The following DTNB variants were observed in gnomAD, a reference collection of about 807,000 sequenced individuals.
DTNB encodes the protein DTN-B.
A neutral mutation model predicts 90.7 loss-of-function variants in DTNB; 63 were observed. The observed-to-expected ratio is 0.69, with a 90% CI of 0.57 to 0.86. The LOEUF (loss-of-function observed/expected upper bound fraction) is 0.86. Ranked by LOEUF, DTNB falls within the 40% of genes least tolerant of loss-of-function variation. DTNB has a pLI of 0.00. For missense variants in DTNB, 744 were observed against 807.1 expected, an observed-to-expected ratio of 0.92 and a Z score of 0.95; for synonymous variants, 277 against 286.7, an observed-to-expected ratio of 0.97 and a Z score of 0.34.
intron 3 of DTNB, among the ~76,000 whole-genome samples, chr2:25,630,355 C>A (rs1286597058): frequency 2.6e-5 from 4 of 152,152 alleles, no homozygotes; most frequent in Non-Finnish European, 5.9e-5. Context: ...ACACACAGGT[C>A]CCATACGACC....
intron 8 of DTNB, among the ~76,000 whole-genome samples, chr2:25,540,156 G>C (rs1036619491): frequency 1.3e-5 from 2 of 152,088 alleles, no homozygotes; most frequent in African/African-American, 2.4e-5. Context: ...TTAAGTTTTA[G>C]AATCAGTTTG....
At chr2:25,490,157 T>C (rs2067073794) in intron 9 of DTNB, among the ~76,000 whole-genome samples, 1 of 152,084 alleles carries the variant, frequency 6.6e-6, no homozygotes, top group African/African-American at 2.4e-5. Context: ...ATGCCTATGG[T>C]CTCAGCTACT....
At chr2:25,483,075 G>C (rs770560108) in intron 9 of DTNB, among the ~76,000 whole-genome samples, 39 of 151,930 alleles carry the variant, frequency 2.6e-4, no homozygotes, top group Non-Finnish European at 5.2e-4. Context: ...CCCTTGGGGA[G>C]GGGGGTAGAA....
chr2:25,615,530 G>A (rs910519475), intron 4 of DTNB, among the ~76,000 whole-genome samples: 1 of 152,132 alleles, frequency 6.6e-6, no homozygotes, highest in Admixed American at 6.5e-5. Flanking sequence ...AAGGTATTAG[G>A]AGTTCAGTGT....
chr2:25,629,884 C>A (rs1171651617), intron 3 of DTNB, among the ~76,000 whole-genome samples: 1 of 152,032 alleles, frequency 6.6e-6, no homozygotes, highest in Non-Finnish European at 1.5e-5. Flanking sequence ...AAAAGAGATA[C>A]GCTGCATTTT....
In DTNB at chr2:25,661,589, A is replaced by G. The variant is rs893289105; in HGVS notation, c.-1-8928T>C. ...GATGAGGTACATGGAGGAGCTTCTA[A>G]TAGGGCTGGCAGAATTCTATTTCTT... On this transcript the variant is annotated intron_variant, in intron 1 of 20. Transcript: ENST00000406818. 3.3e-5 allele frequency among the ~76,000 whole-genome samples: 5 copies of G among 152,352 alleles called. No individual in the cohort carries two copies. The East Asian group carries it at 5.8e-4, about 18-fold the overall frequency.
chr2:25,504,581 GAAAA>G (rs913502018), intron 9 of DTNB, among the ~76,000 whole-genome samples: 10 of 135,688 alleles, frequency 7.4e-5, no homozygotes, highest in African/African-American at 2.8e-4. Flanking sequence ...AGAAAGAAAA[GAAAA>G]GAAAGAGAAA....
At chr2:25,410,934 CT>C (rs34571788) in intron 16 of DTNB, among the ~76,000 whole-genome samples, 29,932 of 132,468 alleles carry the variant, frequency 0.23, 3,376 homozygotes, top group Non-Finnish European at 0.29. Flanking sequence ...ACTGCCTTTT[CT>C]TTTTTTTTTT....
chr2:25,671,431 A>G (rs1042765928), intron 1 of DTNB, among the ~76,000 whole-genome samples: 5 of 152,254 alleles, frequency 3.3e-5, no homozygotes, highest in African/African-American at 1.2e-4. Flanking sequence ...CCAATATTGT[A>G]GAACCTAGGC....
Position 25,387,523 on chromosome 2 carries a change from T to G in DTNB, c.1736-145A>C, listed in dbSNP as rs1461391539. On this transcript the variant is annotated intron_variant, in intron 17 of 20. Transcript: ENST00000406818. The surrounding 1 kb of genome is among the most constrained non-coding windows in gnomAD (Gnocchi z 4.5). ...ATGGGGCCACAGCAGCTCCACCCAT[T>G]CCCAGGCACACCGGGGGCAGGAGGC... 3 of 667,810 alleles carry G rather than the reference T, an allele frequency of 4.5e-6. No individual in the cohort carries two copies. Among genetic ancestry groups the G allele is most frequent in the Non-Finnish European group, 7.5e-6 (3 of 400,178 alleles). The allele number at this position is 667,810 out of a possible 1,614,324, so 41.4% of individuals were successfully genotyped here.
intron 15 of DTNB, among the ~76,000 whole-genome samples, chr2:25,420,005 C>T (rs1170985693): frequency 6.6e-6 from 1 of 152,142 alleles, no homozygotes; most frequent in Admixed American, 6.5e-5. Flanking sequence ...CCAGCAGCAT[C>T]GGCATCACCT....
intron 4 of DTNB, among the ~76,000 whole-genome samples, chr2:25,623,998 A>G (rs1237020733): frequency 6.6e-6 from 1 of 152,188 alleles, no homozygotes; most frequent in African/African-American, 2.4e-5. Flanking sequence ...GATACCCTCC[A>G]GTGTTAACAT....
At chr2:25,397,905 T>C (rs1467470423) in intron 16 of DTNB, among the ~76,000 whole-genome samples, 1 of 136,036 alleles carries the variant, frequency 7.4e-6, no homozygotes, top group African/African-American at 2.8e-5. Context: ...AAAAAAAGAA[T>C]GACCTCTGAA....
intron 9 of DTNB, among the ~76,000 whole-genome samples, chr2:25,510,800 G>A (rs1575233356): frequency 2.0e-5 from 3 of 152,130 alleles, no homozygotes; most frequent in Non-Finnish European, 4.4e-5. Context: ...GAGCCACCAC[G>A]CCCAGCTTAA....
Position 25,451,590 on chromosome 2 carries a change from T to C in DTNB, c.1215A>G (p.Ile405Met). ...PSRLDEEHRL[I>M]ARYAARLAAE... ...CAGCCAGCCGGGCAGCATAGCGAGC[T>C]ATAAGACGGTGTTCCTCATCCAGTC... is the stretch of plus-strand genomic sequence containing the variant. The change falls in exon 12 of 21, where the codon ATA becomes ATG. Residue 405 changes from isoleucine to methionine, a missense_variant. Ile to Met is a conservative substitution (Grantham distance 10). Transcript: ENST00000406818. 1 of 1,608,566 alleles carries C rather than the reference T, an allele frequency of 6.2e-7. No homozygotes were observed.
chr2:25,457,744 T>C (rs564390800), intron 10 of DTNB, among the ~76,000 whole-genome samples: 41 of 152,330 alleles, frequency 2.7e-4, no homozygotes, highest in Admixed American at 6.5e-4. Flanking sequence ...CTATTCTTAG[T>C]AGTGGTATTT....
At chr2:25,465,139 C>T (rs2061562448) in intron 10 of DTNB, among the ~76,000 whole-genome samples, 1 of 152,104 alleles carries the variant, frequency 6.6e-6, no homozygotes. Context: ...CTTTGGGAGA[C>T]CCAGGCAGGT....
intron 4 of DTNB, among the ~76,000 whole-genome samples, chr2:25,616,629 G>GCAAAAAAAAA (rs2070616096): frequency 1.7e-4 from 1 of 5,788 alleles, no homozygotes; most frequent in Non-Finnish European, 4.9e-4. Context: ...GCTATTTATA[G>GCAAAAAAAAA]TAAAAAAAAA....
intron 9 of DTNB, among the ~76,000 whole-genome samples, chr2:25,499,140 C>T (rs973255422): frequency 2.7e-5 from 4 of 150,810 alleles, no homozygotes; most frequent in Non-Finnish European, 5.9e-5. Flanking sequence ...TCGCTTGAAC[C>T]GGGGAGGCGG....
Sources: allele counts gnomAD v4.1 joint callset (sites outside exome capture counted in the v4.1 genomes callset), GRCh38; gene constraint gnomAD v4.1.1; non-coding constraint Gnocchi (gnomAD v3.1); transcripts MANE v1.5; gene names NCBI Gene and HGNC (gene_info 2026-07-23, HGNC 2026-07-21).